The following GET4 variants were observed in gnomAD, a reference collection of about 807,000 sequenced individuals.
GET4 encodes guided entry of tail-anchored proteins factor 4.
A neutral mutation model predicts 40.0 loss-of-function variants in GET4; 20 were observed. The observed-to-expected ratio is 0.50, with a 90% CI of 0.35 to 0.73. GET4 has a LOEUF of 0.73. Among genes scored for constraint, GET4 ranks in the 30% least tolerant of loss-of-function variants. The probability of loss-of-function intolerance (pLI) is 0.01; values close to 1 mark genes in which losing one functional copy is unlikely to be tolerated. For synonymous variants in GET4, 280 were observed against 194.6 expected, an observed-to-expected ratio of 1.44 and a Z score of -3.65; for missense variants, 557 against 454.0, an observed-to-expected ratio of 1.23 and a Z score of -2.06.
chr7:896,389 G>A lies in GET4; in HGVS notation c.*967G>A, dbSNP rs1028423258. ...TATTTACTGTAAAGTGGAATTTCAGGAAGGCTTGTGTGAACCGTTGCGCAT... is the reference window on the plus strand; with the variant it reads ...TATTTACTGTAAAGTGGAATTTCAGAAAGGCTTGTGTGAACCGTTGCGCAT... On this transcript the variant is annotated 3_prime_UTR_variant, in exon 9 of 9. Transcript: ENST00000265857. 3 of 152,192 alleles carry A rather than the reference G, an allele frequency of 2.0e-5. No individual in the cohort carries two copies. The highest frequency in any genetic ancestry group is 7.2e-5 in the African/African-American group (3 of 41,446). 9.4% of individuals were successfully genotyped at this position (152,192 alleles called of 1,614,324 possible).
At position 876,603 on chromosome 7, in the gene GET4, C is replaced by G. The variant is rs1562890139; in HGVS notation, c.-43C>G. 8.6e-7 allele frequency: 1 copy of G among 1,163,494 alleles called. No individual in the cohort carries two copies. The highest frequency in any genetic ancestry group is 1.1e-6 in the Non-Finnish European group (1 of 940,184). The allele number at this position is 1,163,494 out of a possible 1,614,324, so 72.1% of individuals were successfully genotyped here. ...GACGGAAGCCGGGAGGCGCTGCCGA[C>G]CGCGCCTGCGACAGCGTCAGCCCTG... On this transcript the variant is annotated 5_prime_UTR_variant, in exon 1 of 9. Coordinates refer to ENST00000265857, the MANE Select transcript of GET4 (RefSeq NM_015949.3).
At chr7:886,352 A>G (rs975184039) in intron 2 of GET4, 1 of 605,168 alleles carries the variant, frequency 1.7e-6, no homozygotes, top group Non-Finnish European at 2.9e-6. Context: ...TGGGGCTGAG[A>G]GGGCGTTGTG....
chr7:889,112 C>T (rs910484671), intron 4 of GET4, among the ~76,000 whole-genome samples: 7 of 152,254 alleles, frequency 4.6e-5, no homozygotes, highest in African/African-American at 7.2e-5. Context: ...CCACCCACCA[C>T]GGGATCAGGT....
At chr7:883,458 T>C (rs932053063) in intron 1 of GET4, 43 of 967,354 alleles carry the variant, frequency 4.4e-5, no homozygotes, top group Non-Finnish European at 4.9e-5. Context: ...CTTGCGTTTC[T>C]GTGTTCTGCT....
At chr7:882,691 G>A (rs558634602) in intron 1 of GET4, 1 of 152,662 alleles carries the variant, frequency 6.6e-6, no homozygotes, top group African/African-American at 2.4e-5. Context: ...TTGCCCCGGG[G>A]ATGGCGCGGG....
intron 6 of GET4, among the ~76,000 whole-genome samples, chr7:893,113 A>C (rs879143781): frequency 1.4e-5 from 1 of 69,832 alleles, no homozygotes; most frequent in African/African-American, 5.8e-5. Flanking sequence ...GTGTGCAGGC[A>C]AGTGTTGGGT....
At chr7:878,962 C>T (rs993928321) in intron 1 of GET4, among the ~76,000 whole-genome samples, 2 of 108,956 alleles carry the variant, frequency 1.8e-5, no homozygotes, top group East Asian at 6.1e-4. Flanking sequence ...TGGACAGCCT[C>T]CTGCCCCACA....
At position 892,264 on chromosome 7, in the gene GET4, G is replaced by A. The variant is rs777075953; in HGVS notation, c.606-14G>A. ...CCTCCAGCCCTTCCACCACCAGCAT[G>A]TTCTCATTTCCAGGTTTCTCTGTTT... On this transcript the variant is annotated splice_polypyrimidine_tract_variant and intron_variant, in intron 5 of 8. Transcript: ENST00000265857. 17 of 1,585,136 alleles carry A rather than the reference G, an allele frequency of 1.1e-5. No homozygotes were observed. Among genetic ancestry groups the A allele is most frequent in the Non-Finnish European group, 1.3e-5 (15 of 1,155,806 alleles).
chr7:893,662 C>A, intron 6 of GET4, 78 bp from the exon 7 acceptor site: 2 of 906,450 alleles, frequency 2.2e-6, no homozygotes, highest in Middle Eastern at 2.7e-4. Context: ...GAGTGTTGGG[C>A]GCAGGCGCGG....
At chr7:891,433 C>T (rs868580402) in intron 5 of GET4, among the ~76,000 whole-genome samples, 4 of 152,208 alleles carry the variant, frequency 2.6e-5, no homozygotes, top group Non-Finnish European at 1.5e-5. Context: ...CGGCCCCTCC[C>T]GCCAGCTCGC....
At position 894,015 on chromosome 7, in the gene GET4, G is replaced by GGT. The variant is rs768567776; in HGVS notation, c.895+48_895+49dup. On this transcript the variant is annotated intron_variant, in intron 8 of 8. Coordinates refer to ENST00000265857, the MANE Select transcript of GET4 (RefSeq NM_015949.3). ...GTCACACCCACTCCAGCCCTGGGTCGGTGTGGGGTCATCATCTCTGCCCAG... is the reference window on the plus strand; with the variant it reads ...GTCACACCCACTCCAGCCCTGGGTCGGTGTGTGGGGTCATCATCTCTGCCCAG... 13 of 1,361,512 alleles carry GGT rather than the reference G, an allele frequency of 9.5e-6. No homozygotes were observed. The South Asian group carries it at 1.4e-4, about 14-fold the overall frequency. The allele number at this position is 1,361,512 out of a possible 1,614,324, so 84.3% of individuals were successfully genotyped here.
Position 893,971 on chromosome 7 carries a change from G to C in GET4, c.895G>C (p.Gly299Arg). ...KQTSSYGGLL[G>R]NLLTSLMGSS... ...GACGTCTTCCTACGGGGGCCTGCTC[G>C]GTAAGCCGGGGCGCCCTTGTCACAC... The change falls in exon 8 of 9, where the codon GGG becomes CGG. Residue 299 changes from glycine to arginine, a missense_variant and splice_region_variant. Physicochemically the swap from Gly to Arg is moderately radical, Grantham distance 125 (BLOSUM62 -2). Transcript: ENST00000265857. The C allele has an allele frequency of 6.3e-7, 1 of 1,584,030 alleles. No homozygotes were observed. The highest frequency in any genetic ancestry group is 8.6e-7 in the Non-Finnish European group (1 of 1,163,012).
chr7:881,432 A>G (rs1314446171), intron 1 of GET4: 3 of 151,406 alleles, frequency 2.0e-5, no homozygotes, highest in East Asian at 2.0e-4. Context: ...ATGTGGAATC[A>G]CAGTGCGCAC....
intron 1 of GET4, chr7:880,871 T>A (rs758785393): frequency 6.6e-6 from 1 of 152,238 alleles, no homozygotes; most frequent in Non-Finnish European, 1.5e-5. Context: ...CAAGTTACGC[T>A]TTTTGTTTTT....
chr7:891,996 A>G (rs1844334408), intron 5 of GET4, among the ~76,000 whole-genome samples: 1 of 152,124 alleles, frequency 6.6e-6, no homozygotes, highest in South Asian at 2.1e-4. Flanking sequence ...AGGAGAGGAG[A>G]GCTTGCTCAG....
intron 1 of GET4, among the ~76,000 whole-genome samples, chr7:879,490 T>A (rs1022639451): frequency 6.6e-6 from 1 of 152,242 alleles, no homozygotes; most frequent in African/African-American, 2.4e-5. Flanking sequence ...GTTCACATTG[T>A]TTGTACGGAC....
chr7:891,203 A>G (rs1844314375), intron 5 of GET4, 137 bp downstream of exon 5: 1 of 636,192 alleles, frequency 1.6e-6, no homozygotes, highest in Non-Finnish European at 2.7e-6. Context: ...CCCACAGTGC[A>G]CTTGTCAGCC....
chr7:878,413 G>A (rs1199713629), intron 1 of GET4: 3 of 469,772 alleles, frequency 6.4e-6, no homozygotes, highest in Non-Finnish European at 1.3e-5. Flanking sequence ...CTAGGAATTG[G>A]GTCTGTTTTA....
intron 4 of GET4, among the ~76,000 whole-genome samples, chr7:888,740 T>C (rs6946329): frequency 0.78 from 118,793 of 152,252 alleles, 46,623 homozygotes; most frequent in East Asian, 1. Flanking sequence ...CAGCAGGCCT[T>C]CCGTACTCCA....
Sources: gnomAD v4.1 joint callset for allele counts (sites outside exome capture counted in the v4.1 genomes callset) on GRCh38, gnomAD v4.1.1 for gene constraint, MANE v1.5 for transcripts, NCBI Gene and HGNC (gene_info 2026-07-23, HGNC 2026-07-21) for gene names.